The following PRSS27 variants were observed in gnomAD, a reference collection of about 807,000 sequenced individuals.
PRSS27 encodes the protein channel-activating protease 2.
In PRSS27, 25 loss-of-function variants were observed where a neutral mutation model predicts 32.0. That is an observed-to-expected ratio of 0.78 (90% CI 0.57 to 1.09). The LOEUF (loss-of-function observed/expected upper bound fraction) is 1.09. Ranked by LOEUF, PRSS27 falls within the 50% of genes least tolerant of loss-of-function variation. PRSS27 has a pLI of 0.00. For missense variants in PRSS27, 401 were observed against 394.9 expected (o/e 1.02, Z -0.13); for synonymous variants, 178 against 172.2 (o/e 1.03, Z -0.26).
At position 2,712,602 on chromosome 16, in the gene PRSS27, C is replaced by T. The variant is rs891398077; in HGVS notation, c.*18G>A. 1 of 1,564,572 alleles carries T rather than the reference C, an allele frequency of 6.4e-7. No individual in the cohort carries two copies. Among genetic ancestry groups the T allele is most frequent in the African/African-American group, 1.4e-5 (1 of 73,774 alleles). ...TGGGTGCAGAGCTCTGCTCAAGGGG[C>T]TCCTGGCCCCGGGGGTCTCACTTCT... is the stretch of plus-strand genomic sequence containing the variant. On this transcript the variant is annotated 3_prime_UTR_variant, in exon 6 of 6. Transcript: ENST00000302641. This position sits in a 1 kb window ranked among gnomAD's most constrained non-coding sequence, Gnocchi z 4.6.
rs779954349 is a variant in PRSS27, at chr16:2,714,318, C to A, written c.255G>T (p.Leu85=). The A allele has an allele frequency of 1.2e-6, 2 of 1,613,050 alleles. No homozygotes were observed. Among genetic ancestry groups the A allele is most frequent in the Non-Finnish European group, 1.7e-6 (2 of 1,180,010 alleles). The change falls in exon 4 of 6, where the codon CTG becomes CTT. Residue 85 remains leucine, a synonymous_variant. Transcript: ENST00000302641. The surrounding 1 kb of genome is among the most constrained non-coding windows in gnomAD (Gnocchi z 4.7). Reference sequence around the variant, plus strand: ...GCCTTGCCCCCAGCAGGACCTGGTACAGGGACGTCTCAGAGGTGCTGGCGG... The same window carrying A: ...GCCTTGCCCCCAGCAGGACCTGGTAAAGGGACGTCTCAGAGGTGCTGGCGG... The part of the protein sequence containing the change: ...HCFRNTSETS[L]YQVLLGARQL...
rs1308984592 is a variant in PRSS27 at position 2,715,745 on chromosome 16, A to AC, written c.208dup (p.Val70GlyfsTer13). Reference sequence around the variant, plus strand: ...GCGGAAGCAGTGCGCAGCCGTCAGGACCCACTGCTCCGCGATGAGGCTGCC... The same window carrying AC: ...GCGGAAGCAGTGCGCAGCCGTCAGGACCCCACTGCTCCGCGATGAGGCTGCC... On this transcript the variant is annotated frameshift_variant, in exon 3 of 6. Coordinates refer to ENST00000302641, the MANE Select transcript of PRSS27 (RefSeq NM_031948.5). LOFTEE classifies it high-confidence loss of function. 3 of 1,569,978 alleles carry AC rather than the reference A, an allele frequency of 1.9e-6. No homozygotes were observed.
At position 2,714,620 on chromosome 16, in the gene PRSS27, C is replaced by T. The variant is rs192582308; in HGVS notation, c.237-284G>A. On this transcript the variant is annotated intron_variant, in intron 3 of 5. Transcript: ENST00000302641. This position sits in a 1 kb window ranked among gnomAD's most constrained non-coding sequence, Gnocchi z 4.7. ...AGCTTTCTCACCTGTGCTGTGGGGA[C>T]AGTCACAGTGCCTACCTGAAAGGCT... 1.4e-4 allele frequency: 67 copies of T among 484,566 alleles called. No individual in the cohort carries two copies. Among genetic ancestry groups the T allele is most frequent in the Non-Finnish European group, 7.6e-5 (20 of 264,848 alleles). The allele number at this position is 484,566 out of a possible 1,614,324, so 30.0% of individuals were successfully genotyped here.
chr16:2,718,841 G>C (rs1424453146), intron 1 of PRSS27, among the ~76,000 whole-genome samples: 2 of 152,280 alleles, frequency 1.3e-5, no homozygotes, highest in South Asian at 2.1e-4. Context: ...CCTGATCTCA[G>C]GGAATGTGTG....
Position 2,717,950 on chromosome 16 carries a change from G to A in PRSS27, c.47-1424C>T, listed in dbSNP as rs1041906323. The A allele has an allele frequency of 6.6e-6, 1 of 152,216 alleles. No individual in the cohort carries two copies. The highest frequency in any genetic ancestry group is 1.5e-5 in the Non-Finnish European group (1 of 68,054). 9.4% of individuals were successfully genotyped at this position (152,216 alleles called of 1,614,324 possible). ...GCGGGGTCAGGGGCAACGGGAAATGGAGAGTCTGCCCTGGATGCTCTGCTC... is the reference window on the plus strand; with the variant it reads ...GCGGGGTCAGGGGCAACGGGAAATGAAGAGTCTGCCCTGGATGCTCTGCTC... On this transcript the variant is annotated intron_variant, in intron 1 of 5. Transcript: ENST00000302641. The surrounding 1 kb of genome is among the most constrained non-coding windows in gnomAD (Gnocchi z 4.1).
intron 5 of PRSS27, 122 bp downstream of exon 5, chr16:2,713,407 G>C: frequency 9.2e-7 from 1 of 1,088,284 alleles, no homozygotes; most frequent in Non-Finnish European, 1.4e-6. Flanking sequence ...CCTGGAATCT[G>C]CCTTTTCAAA....
In PRSS27 at chr16:2,712,688, G is replaced by A. The variant is rs766631708; in HGVS notation, c.805C>T (p.His269Tyr). Reference sequence around the variant, plus strand: ...GGGATGATCCGATGGATCCAGTTGTGGTGGGCGGTGACACGGATGTAGACA... The same window carrying A: ...GGGATGATCCGATGGATCCAGTTGTAGTGGGCGGTGACACGGATGTAGACA... ...PGVYIRVTAH[H>Y]NWIHRIIPKL... The change falls in exon 6 of 6, where the codon CAC becomes TAC. Residue 269 changes from histidine to tyrosine, a missense_variant. Coordinates refer to ENST00000302641, the MANE Select transcript of PRSS27 (RefSeq NM_031948.5). This position sits in a 1 kb window ranked among gnomAD's most constrained non-coding sequence, Gnocchi z 4.6. The A allele has an allele frequency of 3.8e-5, 61 of 1,598,754 alleles. No individual in the cohort carries two copies. Among genetic ancestry groups the A allele is most frequent in the Non-Finnish European group, 5.2e-5 (61 of 1,172,758 alleles).
Position 2,712,579 on chromosome 16 carries a change from G to A in PRSS27, c.*41C>T. On this transcript the variant is annotated 3_prime_UTR_variant, in exon 6 of 6. Transcript: ENST00000302641. This position sits in a 1 kb window ranked among gnomAD's most constrained non-coding sequence, Gnocchi z 4.6. ...CAGGATGGTGTGGGCGGGCAGGCTG[G>A]GTGCAGAGCTCTGCTCAAGGGGCTC... The A allele has an allele frequency of 6.6e-7, 1 of 1,523,560 alleles. No individual in the cohort carries two copies. Among genetic ancestry groups the A allele is most frequent in the Middle Eastern group, 1.8e-4 (1 of 5,550 alleles). The allele number at this position is 1,523,560 out of a possible 1,614,324, so 94.4% of individuals were successfully genotyped here. A position where few individuals can be genotyped will look rare whatever the true frequency, so the allele number is the denominator to read the frequency against.
In PRSS27 at chr16:2,712,974, T is replaced by C. The variant is rs1253298848; in HGVS notation, c.679-160A>G. ...CCCCTGCCAGTCCGATTGTCTAAAGTGCCTATTCTTTAGTGTCCCCAGATC... is the reference window on the plus strand; with the variant it reads ...CCCCTGCCAGTCCGATTGTCTAAAGCGCCTATTCTTTAGTGTCCCCAGATC... On this transcript the variant is annotated intron_variant, in intron 5 of 5. Transcript: ENST00000302641. The surrounding 1 kb of genome is among the most constrained non-coding windows in gnomAD (Gnocchi z 4.6). 2 of 610,814 alleles carry C rather than the reference T, an allele frequency of 3.3e-6. No homozygotes were observed. The highest frequency in any genetic ancestry group is 2.2e-5 in the South Asian group (1 of 45,076). The allele number at this position is 610,814 out of a possible 1,614,324, so 37.8% of individuals were successfully genotyped here. A position where few individuals can be genotyped will look rare whatever the true frequency, so the allele number is the denominator to read the frequency against.
At position 2,714,730 on chromosome 16, in the gene PRSS27, G is replaced by C; in HGVS notation, c.237-394C>G. 1 of 252,546 alleles carries C rather than the reference G, an allele frequency of 4.0e-6. No individual in the cohort carries two copies. The highest frequency in any genetic ancestry group is 4.4e-5 in the South Asian group (1 of 22,918). The allele number at this position is 252,546 out of a possible 1,614,324, so 15.6% of individuals were successfully genotyped here. A position where few individuals can be genotyped will look rare whatever the true frequency, so the allele number is the denominator to read the frequency against. On this transcript the variant is annotated intron_variant, in intron 3 of 5. Transcript: ENST00000302641. The surrounding 1 kb of genome is among the most constrained non-coding windows in gnomAD (Gnocchi z 4.7). Reference sequence around the variant, plus strand: ...CAGGTGACCTGCCCTCTCTCAGCCCGAGTTTCCGATTTTTTTTTTCCCCTA... The same window carrying C: ...CAGGTGACCTGCCCTCTCTCAGCCCCAGTTTCCGATTTTTTTTTTCCCCTA...
At chr16:2,719,760 G>A (rs2067723751) in intron 1 of PRSS27, among the ~76,000 whole-genome samples, 1 of 152,206 alleles carries the variant, frequency 6.6e-6, no homozygotes, top group African/African-American at 2.4e-5. Context: ...GCACGTAGGA[G>A]GCCCCTGTCC....
chr16:2,716,107 C>A (rs1433668194), intron 2 of PRSS27: 4 of 531,664 alleles, frequency 7.5e-6, no homozygotes, highest in Middle Eastern at 4.8e-4. Context: ...CAACCTAACA[C>A]CTGCCTCTTG....
chr16:2,718,841 G>A (rs1424453146), intron 1 of PRSS27, among the ~76,000 whole-genome samples: 1 of 152,162 alleles, frequency 6.6e-6, no homozygotes, highest in Non-Finnish European at 1.5e-5. Flanking sequence ...CCTGATCTCA[G>A]GGAATGTGTG....
At position 2,717,890 on chromosome 16, in the gene PRSS27, A is replaced by C. The variant is rs2142068120; in HGVS notation, c.47-1364T>G. On this transcript the variant is annotated intron_variant, in intron 1 of 5. Transcript: ENST00000302641. The surrounding 1 kb of genome is among the most constrained non-coding windows in gnomAD (Gnocchi z 4.1). ...GGATGGGCAGGAGGAGGAGGTGGAG[A>C]AGGTGCAGGGCAGGCAAAGGGGTGC... 1 of 152,346 alleles carries C rather than the reference A, an allele frequency of 6.6e-6. No individual in the cohort carries two copies. The highest frequency in any genetic ancestry group is 1.9e-4 in the East Asian group (1 of 5,182). 9.4% of individuals were successfully genotyped at this position (152,346 alleles called of 1,614,324 possible). A position where few individuals can be genotyped will look rare whatever the true frequency, so the allele number is the denominator to read the frequency against.
At chr16:2,716,456 C>T in intron 2 of PRSS27, 44 bp downstream of exon 2, 1 of 1,583,876 alleles carries the variant, frequency 6.3e-7, no homozygotes, top group Admixed American at 1.8e-5. Context: ...TGGCTCAGTC[C>T]AGCCGGCTCC....
rs765324922 is a variant in PRSS27 at position 2,715,835 on chromosome 16, T to C, written c.119A>G (p.Asp40Gly). The C allele has an allele frequency of 1.2e-6, 2 of 1,603,522 alleles. No homozygotes were observed. Among genetic ancestry groups the C allele is most frequent in the Non-Finnish European group, 1.7e-6 (2 of 1,176,476 alleles). The change falls in exon 3 of 6, where the codon GAC becomes GGC. Residue 40 changes from aspartate to glycine, a missense_variant. Transcript: ENST00000302641. ...CCAGGGCCACTCGCCCTCCTGCGTG[T>C]CCTGCCCGCCCACCATTCGGTTCAG... ...RMLNRMVGGQ[D>G]TQEGEWPWQV...
chr16:2,716,593 G>GC, intron 1 of PRSS27, 67 bp from the exon 2 acceptor site: 1 of 1,480,824 alleles, frequency 6.8e-7, no homozygotes, highest in Non-Finnish European at 9.2e-7. Context: ...CAACCCTGCA[G>GC]CCCCTCTCCA....
intron 1 of PRSS27, 83 bp downstream of exon 1, chr16:2,720,031 AG>A: frequency 1.6e-6 from 2 of 1,261,692 alleles, no homozygotes; most frequent in South Asian, 1.3e-5. Flanking sequence ...CCCAGGGAGT[AG>A]GGGGCTGAGC....
At chr16:2,719,942 C>G (rs1341959949) in intron 1 of PRSS27, among the ~76,000 whole-genome samples, 173 bp downstream of exon 1, 1 of 152,184 alleles carries the variant, frequency 6.6e-6, no homozygotes, top group East Asian at 1.9e-4. Context: ...ACTTTGGACT[C>G]CCCACTTGGC....
Sources: gnomAD v4.1 joint callset for allele counts (sites outside exome capture counted in the v4.1 genomes callset) on GRCh38, gnomAD v4.1.1 for gene constraint, Gnocchi (gnomAD v3.1) non-coding constraint, MANE v1.5 for transcripts, NCBI Gene and HGNC (gene_info 2026-07-23, HGNC 2026-07-21) for gene names.